The following RBMS3 variants were observed in gnomAD, a reference collection of about 807,000 sequenced individuals.
RBMS3 encodes the protein RNA binding motif single stranded interacting protein 3.
Under a neutral mutation model 66.8 loss-of-function variants are expected in RBMS3, and 27 were observed. The ratio of observed to expected loss-of-function variants is 0.40; its 90% CI spans 0.30 to 0.56. RBMS3 has a LOEUF of 0.56. Ranked by LOEUF, RBMS3 falls within the 20% of genes least tolerant of loss-of-function variation. The pLI is 0.40. For synonymous variants in RBMS3, 188 were observed against 183.0 expected, an observed-to-expected ratio of 1.03 and a Z score of -0.22; for missense variants, 513 against 549.5, an observed-to-expected ratio of 0.93 and a Z score of 0.66.
In RBMS3 at chr3:29,570,688, T is replaced by G. The variant is rs187584850; in HGVS notation, c.308-16426T>G. ...CTTTTATGGCTGAATAGTACTCCAT[T>G]GTGTATAAGTACCACATTTTCTTTA... On this transcript the variant is annotated intron_variant, in intron 3 of 14. Transcript: ENST00000383767. 2.6e-5 allele frequency among the ~76,000 whole-genome samples: 4 copies of G among 152,278 alleles called. No homozygotes were observed. The East Asian group carries it at 5.8e-4, about 22-fold the overall frequency.
chr3:29,674,205 C>T (rs145303360), intron 4 of RBMS3, among the ~76,000 whole-genome samples: 2 of 152,030 alleles, frequency 1.3e-5, no homozygotes, highest in African/African-American at 4.8e-5. Context: ...ATTCAACAGC[C>T]CTTCATGCTA....
chr3:29,820,836 G>A (rs957790241), intron 6 of RBMS3, among the ~76,000 whole-genome samples: 2 of 152,130 alleles, frequency 1.3e-5, no homozygotes, highest in African/African-American at 2.4e-5. Flanking sequence ...AGCTACTCCA[G>A]AGACCAGAGA....
intron 4 of RBMS3, among the ~76,000 whole-genome samples, chr3:29,713,916 A>G (rs1292730998): frequency 6.6e-6 from 1 of 151,956 alleles, no homozygotes; most frequent in Non-Finnish European, 1.5e-5. Context: ...TTAGCCAGGC[A>G]TGGTGGTGCG....
chr3:29,699,604 T>C (rs1217344763), intron 4 of RBMS3, among the ~76,000 whole-genome samples: 1 of 152,248 alleles, frequency 6.6e-6, no homozygotes, highest in Non-Finnish European at 1.5e-5. Context: ...ATGTAACTCA[T>C]GTAGCCTTTT....
At chr3:29,297,623 C>T (rs1343882928) in intron 1 of RBMS3, among the ~76,000 whole-genome samples, 1 of 151,830 alleles carries the variant, frequency 6.6e-6, no homozygotes, top group Admixed American at 6.6e-5. Flanking sequence ...GCAAGTCTGT[C>T]TCAGCACTCT....
chr3:29,559,548 A>C (rs1001412241), intron 3 of RBMS3, among the ~76,000 whole-genome samples: 3 of 144,576 alleles, frequency 2.1e-5, no homozygotes, highest in Non-Finnish European at 3.0e-5. Context: ...AAAAAAAAAA[A>C]AAAAACCTGA....
chr3:29,847,808 G>A lies in RBMS3; in HGVS notation c.638-21050G>A, dbSNP rs527442061. On this transcript the variant is annotated intron_variant, in intron 6 of 14. Transcript: ENST00000383767. ...GTAGCTGGGACTACAGGCGCTCGCC[G>A]TCACGCCCGGCTAATTTTCTTGTGT... Among the ~76,000 whole-genome samples the A allele has an allele frequency of 3.0e-3, 453 of 152,072 alleles. 1 individual carries two copies. Among genetic ancestry groups the A allele is most frequent in the African/African-American group, 0.01 (425 of 41,486 alleles).
At chr3:29,374,108 G>A (rs1206767061) in intron 1 of RBMS3, among the ~76,000 whole-genome samples, 1 of 152,130 alleles carries the variant, frequency 6.6e-6, no homozygotes, top group African/African-American at 2.4e-5. Context: ...TCAGCCTGGG[G>A]ACTATAACCA....
rs758431843 is a variant in RBMS3 at position 29,847,021 on chromosome 3, G to A, written c.638-21837G>A. Among the ~76,000 whole-genome samples the A allele has an allele frequency of 7.4e-4, 112 of 152,132 alleles. 1 individual carries two copies. The highest frequency in any genetic ancestry group is 1.2e-3 in the Non-Finnish European group (80 of 68,024). On this transcript the variant is annotated intron_variant, in intron 6 of 14. Coordinates refer to ENST00000383767, the MANE Select transcript of RBMS3 (RefSeq NM_001003793.3). ...CCCAGGAAGAAGTCAAAGATGCAAG[G>A]CGCCATATCGCATGATACACGATAA...
At chr3:29,534,007 T>C (rs1360779805) in intron 3 of RBMS3, among the ~76,000 whole-genome samples, 1 of 152,184 alleles carries the variant, frequency 6.6e-6, no homozygotes, top group African/African-American at 2.4e-5. Flanking sequence ...CATGGAAATG[T>C]AAACACAAGA....
chr3:29,469,098 A>C (rs977945777), intron 2 of RBMS3, among the ~76,000 whole-genome samples: 2 of 152,138 alleles, frequency 1.3e-5, no homozygotes, highest in Non-Finnish European at 1.5e-5. Flanking sequence ...CGTAAATAGC[A>C]GGGAGGCCTA....
intron 2 of RBMS3, among the ~76,000 whole-genome samples, chr3:29,474,828 A>T (rs1217771424): frequency 6.6e-6 from 1 of 152,170 alleles, no homozygotes; most frequent in Non-Finnish European, 1.5e-5. Flanking sequence ...AAAGGAAGAA[A>T]ATTCTTGGCT....
In RBMS3 at chr3:29,670,783, T is replaced by C. The variant is rs548511582; in HGVS notation, c.400-68937T>C. Among the ~76,000 whole-genome samples, 113 of 152,238 alleles carry C rather than the reference T, an allele frequency of 7.4e-4. 1 individual carries two copies. Among genetic ancestry groups the C allele is most frequent in the African/African-American group, 2.7e-3 (112 of 41,540 alleles). ...CCAACTGGGTGGAGCCCACCCCAGC[T>C]CAAGGAGGCCTGCCTGCCTTTGTAG... is the stretch of plus-strand genomic sequence containing the variant. On this transcript the variant is annotated intron_variant, in intron 4 of 14. Coordinates refer to ENST00000383767, the MANE Select transcript of RBMS3 (RefSeq NM_001003793.3).
At position 29,444,788 on chromosome 3, in the gene RBMS3, C is replaced by CTTTTTTTTTTTTTTT. The variant is rs558839351; in HGVS notation, c.248+9883_248+9897dup. On this transcript the variant is annotated intron_variant, in intron 2 of 14. Coordinates refer to ENST00000383767, the MANE Select transcript of RBMS3 (RefSeq NM_001003793.3). Reference sequence around the variant, plus strand: ...AATTCTTTCAAGCGGAAATATATGCCTTTTTTTTTTTTTTTTTTTTTTTTG... The same window carrying CTTTTTTTTTTTTTTT: ...AATTCTTTCAAGCGGAAATATATGCCTTTTTTTTTTTTTTTTTTTTTTTTTTTTTTTTTTTTTTTG... Among the ~76,000 whole-genome samples the CTTTTTTTTTTTTTTT allele has an allele frequency of 3.8e-4, 19 of 50,500 alleles. 2 individuals carry two copies. The highest frequency in any genetic ancestry group is 6.1e-4 in the African/African-American group (10 of 16,418). The allele number at this position is 50,500 out of a possible 152,430, so 33.1% of individuals were successfully genotyped here.
chr3:29,552,100 C>A (rs1201307425), intron 3 of RBMS3, among the ~76,000 whole-genome samples: 1 of 152,066 alleles, frequency 6.6e-6, no homozygotes, highest in Non-Finnish European at 1.5e-5. Context: ...TGATGGAGTT[C>A]TGAAAATCAA....
At chr3:29,695,170 C>T (rs555615047) in intron 4 of RBMS3, among the ~76,000 whole-genome samples, 2 of 151,780 alleles carry the variant, frequency 1.3e-5, no homozygotes, top group South Asian at 2.1e-4. Context: ...ATTAGGATCT[C>T]GCAGACTATC....
At chr3:29,768,325 A>G (rs1258295007) in intron 6 of RBMS3, among the ~76,000 whole-genome samples, 1 of 151,938 alleles carries the variant, frequency 6.6e-6, no homozygotes, top group Non-Finnish European at 1.5e-5. Flanking sequence ...CAACCTTTCT[A>G]TGGAGCCACA....
At chr3:29,578,214 A>C (rs1054551700) in intron 3 of RBMS3, among the ~76,000 whole-genome samples, 1 of 152,192 alleles carries the variant, frequency 6.6e-6, no homozygotes, top group African/African-American at 2.4e-5. Context: ...CATCAGAAGG[A>C]ATGACAGAGC....
chr3:29,495,830 T>C (rs2043727169), intron 3 of RBMS3, among the ~76,000 whole-genome samples: 1 of 152,112 alleles, frequency 6.6e-6, no homozygotes, highest in African/African-American at 2.4e-5. Flanking sequence ...CCTTTACCTA[T>C]GGATTAGTTT....
Sources: allele counts gnomAD v4.1 joint callset (sites outside exome capture counted in the v4.1 genomes callset), GRCh38; gene constraint gnomAD v4.1.1; transcripts MANE v1.5; gene names NCBI Gene and HGNC (gene_info 2026-07-23, HGNC 2026-07-21).